Variants in P2RX4 observed in about 807,000 individuals in gnomAD.
P2RX4 encodes the protein purinergic receptor P2X 4.
Under a neutral mutation model 48.0 loss-of-function variants are expected in P2RX4, and 37 were observed. The observed-to-expected ratio is 0.77, with a 90% CI of 0.59 to 1.01. The LOEUF is 1.01. Among genes scored for constraint, P2RX4 ranks in the 50% least tolerant of loss-of-function variants. The probability of loss-of-function intolerance (pLI) is 0.00; values close to 1 mark genes in which losing one functional copy is unlikely to be tolerated. For missense variants in P2RX4, 501 were observed against 521.4 expected (o/e 0.96, Z 0.38); for synonymous variants, 200 against 199.7 (o/e 1.00, Z -0.01).
intron 5 of P2RX4, among the ~76,000 whole-genome samples, chr12:121,227,108 C>CAA (rs1348398889): frequency 1.2e-4 from 16 of 136,974 alleles, no homozygotes; most frequent in African/African-American, 2.1e-4. Context: ...GACTCCATCT[C>CAA]AAAAAAAAAA....
chr12:121,222,974 T>C lies in P2RX4; in HGVS notation c.455T>C (p.Phe152Ser). ...NGVSTGRCVA[F>S]NGSVKTCEVA... is the part of the protein sequence containing the mutation. ...GTCTCAACAGGCAGGTGCGTAGCTTTCAACGGGTCTGTCAAGACGTGTGAG... is the reference window on the plus strand; with the variant it reads ...GTCTCAACAGGCAGGTGCGTAGCTTCCAACGGGTCTGTCAAGACGTGTGAG... The change falls in exon 5 of 12, where the codon TTC (phenylalanine) becomes TCC (serine). Residue 152 changes from phenylalanine (F) to serine (S), a missense_variant. Phe to Ser is a radical substitution (Grantham distance 155). Around this residue, in one of 3 missense-constraint regions of P2RX4, gnomAD observed 295 missense variants for 275.3 expected, o/e 1.07. Coordinates refer to ENST00000337233, the MANE Select transcript of P2RX4 (RefSeq NM_002560.3). 5 of 1,613,756 alleles carry C rather than the reference T, an allele frequency of 3.1e-6. No homozygotes were observed. Among genetic ancestry groups the C allele is most frequent in the Non-Finnish European group, 3.4e-6 (4 of 1,179,682 alleles).
intron 7 of P2RX4, 35 bp downstream of exon 7, chr12:121,228,901 T>C (rs772486412): frequency 6.2e-7 from 1 of 1,613,952 alleles, no homozygotes; most frequent in Non-Finnish European, 8.5e-7. Flanking sequence ...GACCCAGCCC[T>C]GGAGGCGTCT....
intron 5 of P2RX4, among the ~76,000 whole-genome samples, chr12:121,224,397 A>C (rs988739384): frequency 6.6e-6 from 1 of 152,114 alleles, no homozygotes; most frequent in Non-Finnish European, 1.5e-5. Context: ...TGAGGCCAGG[A>C]GTTCAAGACC....
chr12:121,215,412 C>T (rs1886162852), intron 1 of P2RX4: 1 of 152,240 alleles, frequency 6.6e-6, no homozygotes, highest in African/African-American at 2.4e-5. Flanking sequence ...CCAGTCTGTC[C>T]TAACCCCTAT....
chr12:121,212,512 A>G (rs1885928321), intron 1 of P2RX4, among the ~76,000 whole-genome samples: 1 of 148,540 alleles, frequency 6.7e-6, no homozygotes, highest in African/African-American at 2.5e-5. Flanking sequence ...TTTTTTCTGA[A>G]CACGGTGGCT....
In P2RX4 at chr12:121,233,024, C is replaced by T; in HGVS notation, c.1072C>T (p.Leu358Phe). ...MATVLCDIIV[L>F]YCMKKRLYYR... ...GACCGTGCTGTGTGACATCATAGTC[C>T]TCTACTGCATGAAGAAAAGACTCTA... The change falls in exon 11 of 12, where the codon CTC (leucine) becomes TTC (phenylalanine). Residue 358 changes from leucine to phenylalanine, a missense_variant. Coordinates refer to ENST00000337233, the MANE Select transcript of P2RX4 (RefSeq NM_002560.3). 6.2e-7 allele frequency: 1 copy of T among 1,613,736 alleles called. No homozygotes were observed. Among genetic ancestry groups the T allele is most frequent in the Non-Finnish European group, 8.5e-7 (1 of 1,179,646 alleles).
At chr12:121,213,316 T>G (rs1257673451) in intron 1 of P2RX4, 1 of 152,046 alleles carries the variant, frequency 6.6e-6, no homozygotes, top group Admixed American at 6.6e-5. Context: ...TAGGCCTACC[T>G]ATTTGGGAGG....
At chr12:121,223,897 A>G (rs10849858) in intron 5 of P2RX4, among the ~76,000 whole-genome samples, 48,344 of 151,912 alleles carry the variant, frequency 0.32, 8,045 homozygotes, top group South Asian at 0.4. Flanking sequence ...ACAGAGTGAG[A>G]GACAAAGGAC....
chr12:121,212,818 A>ATTTTTTTTTTT (rs1392673928), intron 1 of P2RX4: 3 of 31,798 alleles, frequency 9.4e-5, no homozygotes, highest in African/African-American at 4.4e-4. Flanking sequence ...ATATATATAT[A>ATTTTTTTTTTT]TATATATTTT....
chr12:121,222,789 T>G (rs1342047312), intron 4 of P2RX4, 158 bp from the exon 5 acceptor site: 1 of 1,535,788 alleles, frequency 6.5e-7, no homozygotes, highest in Non-Finnish European at 8.8e-7. Flanking sequence ...CCTCCGATTC[T>G]AACTCCTGGA....
At position 121,223,016 on chromosome 12, in the gene P2RX4, C is replaced by G. The variant is rs529353290; in HGVS notation, c.497C>G (p.Pro166Arg). ...ACGTGTGAGGTGGCGGCCTGGTGCCCGGTGGAGGATGACACACACGTGCCA... is the reference window on the plus strand; with the variant it reads ...ACGTGTGAGGTGGCGGCCTGGTGCCGGGTGGAGGATGACACACACGTGCCA... ...VKTCEVAAWC[P>R]VEDDTHVPQP... is the part of the protein sequence containing the mutation. The change falls in exon 5 of 12, where the codon CCG becomes CGG. Residue 166 changes from proline (P) to arginine (R), a missense_variant. Pro to Arg is a moderately radical substitution (Grantham distance 103). Coordinates refer to ENST00000337233, the MANE Select transcript of P2RX4 (RefSeq NM_002560.3). 1.9e-6 allele frequency: 3 copies of G among 1,612,040 alleles called. No homozygotes were observed. Among genetic ancestry groups the G allele is most frequent in the African/African-American group, 2.7e-5 (2 of 74,832 alleles).
intron 2 of P2RX4, among the ~76,000 whole-genome samples, chr12:121,220,916 C>T (rs1886553059): frequency 6.6e-6 from 1 of 152,148 alleles, no homozygotes; most frequent in South Asian, 2.1e-4. Context: ...GCTTCTTTCA[C>T]TCAGCATCAT....
chr12:121,228,498 AT>A, intron 5 of P2RX4, 34 bp from the exon 6 acceptor site: 2 of 1,368,122 alleles, frequency 1.5e-6, no homozygotes, highest in Non-Finnish European at 2.1e-6. Context: ...ATTTGTATGT[AT>A]TTTATTAACA....
chr12:121,231,786 C>A (rs1255239053), intron 8 of P2RX4, among the ~76,000 whole-genome samples: 1 of 151,618 alleles, frequency 6.6e-6, no homozygotes, highest in Non-Finnish European at 1.5e-5. Context: ...TTTAAAAAGC[C>A]CTAGGTCAAG....
chr12:121,232,339 C>T lies in P2RX4; in HGVS notation c.885-75C>T. 2.0e-6 allele frequency: 2 copies of T among 1,025,080 alleles called. No individual in the cohort carries two copies. Among genetic ancestry groups the T allele is most frequent in the Non-Finnish European group, 3.1e-6 (2 of 650,634 alleles). The allele number at this position is 1,025,080 out of a possible 1,614,324, so 63.5% of individuals were successfully genotyped here. A position where few individuals can be genotyped will look rare whatever the true frequency, so the allele number is the denominator to read the frequency against. On this transcript the variant is annotated intron_variant, in intron 8 of 11. Transcript: ENST00000337233. The surrounding 1 kb of genome is among the most constrained non-coding windows in gnomAD (Gnocchi z 4.3). ...GTGGACCATTCACCTGTGCCAGCTC[C>T]ACTCTAACGTTCTCTCACAGGGCCC...
In P2RX4 at chr12:121,229,034, G is replaced by C. The variant is rs973476680; in HGVS notation, c.819G>C (p.Arg273Ser). 3 of 1,614,082 alleles carry C rather than the reference G, an allele frequency of 1.9e-6. No homozygotes were observed. The highest frequency in any genetic ancestry group is 1.6e-4 in the Middle Eastern group (1 of 6,062). ...LDRAASLCLP[R>S]YSFRRLDTRD... Reference sequence around the variant, plus strand: ...GAGCCGCCTCCCTCTGCTTGCCCAGGTACTCCTTCCGCCGCCTCGATACAC... The same window carrying C: ...GAGCCGCCTCCCTCTGCTTGCCCAGCTACTCCTTCCGCCGCCTCGATACAC... The change falls in exon 8 of 12, where the codon AGG (arginine) becomes AGC (serine). Residue 273 changes from arginine to serine, a missense_variant. Physicochemically the swap from Arg to Ser is moderately radical, Grantham distance 110 (BLOSUM62 -1). Coordinates refer to ENST00000337233, the MANE Select transcript of P2RX4 (RefSeq NM_002560.3). The surrounding 1 kb of genome is among the most constrained non-coding windows in gnomAD (Gnocchi z 4.6).
At position 121,223,034 on chromosome 12, in the gene P2RX4, A is replaced by T. The variant is rs1317742732; in HGVS notation, c.515A>T (p.His172Leu). ...TGGTGCCCGGTGGAGGATGACACACACGTGCCACAGTGAGTCCAGCCCTAG... is the reference window on the plus strand; with the variant it reads ...TGGTGCCCGGTGGAGGATGACACACTCGTGCCACAGTGAGTCCAGCCCTAG... ...AAWCPVEDDT[H>L]VPQPAFLKAA... The change falls in exon 5 of 12, where the codon CAC becomes CTC. Residue 172 changes from histidine to leucine, a missense_variant. By Grantham distance (99) the His-to-Leu change is moderately conservative. Coordinates refer to ENST00000337233, the MANE Select transcript of P2RX4 (RefSeq NM_002560.3). 1 of 1,604,454 alleles carries T rather than the reference A, an allele frequency of 6.2e-7. No individual in the cohort carries two copies. The highest frequency in any genetic ancestry group is 1.3e-5 in the African/African-American group (1 of 74,718).
chr12:121,218,164 G>A (rs999825972), intron 2 of P2RX4, among the ~76,000 whole-genome samples: 1 of 152,112 alleles, frequency 6.6e-6, no homozygotes, highest in Non-Finnish European at 1.5e-5. Context: ...GGGGTCCCCA[G>A]AGAGGAGACC....
Position 121,210,192 on chromosome 12 carries a change from G to A in P2RX4, c.28G>A (p.Ala10Thr). ...GGCGGGCTGCTGCGCCGCGCTGGCG[G>A]CCTTCCTGTTCGAGTACGACACGCC... is the stretch of plus-strand genomic sequence containing the variant. MAGCCAALA[A>T]FLFEYDTPRI... is the part of the protein sequence containing the mutation. The change falls in exon 1 of 12, where the codon GCC becomes ACC. Residue 10 changes from alanine to threonine, a missense_variant. This residue lies in a region of P2RX4 where 295 missense variants were observed against 275.3 expected (regional missense o/e 1.07). Coordinates refer to ENST00000337233, the MANE Select transcript of P2RX4 (RefSeq NM_002560.3). 6.5e-7 allele frequency: 1 copy of A among 1,540,056 alleles called. No individual in the cohort carries two copies.
Sources: gnomAD v4.1 joint callset for allele counts (sites outside exome capture counted in the v4.1 genomes callset) on GRCh38, gnomAD v4.1.1 for gene constraint, gnomAD v4.1.1 regional missense constraint, Gnocchi (gnomAD v3.1) non-coding constraint, MANE v1.5 for transcripts, NCBI Gene and HGNC (gene_info 2026-07-23, HGNC 2026-07-21) for gene names.